The following TPM2 variants were observed in gnomAD, a reference collection of about 807,000 sequenced individuals.
The protein encoded by TPM2 is tropomyosin 2.
In TPM2, 26 loss-of-function variants were observed where a neutral mutation model predicts 41.0. The ratio of observed to expected loss-of-function variants is 0.63; its 90% CI spans 0.46 to 0.88. The LOEUF (loss-of-function observed/expected upper bound fraction) is 0.88, where lower values mean the gene tolerates loss of function less well. Ranked by LOEUF, TPM2 falls within the 40% of genes least tolerant of loss-of-function variation. The pLI is 0.00. For synonymous variants in TPM2, 143 were observed against 139.3 expected, an observed-to-expected ratio of 1.03 and a Z score of -0.19; for missense variants, 187 against 355.2, an observed-to-expected ratio of 0.53 and a Z score of 3.81.
upstream of TPM2, chr9:35,690,022 G>A (rs952207853): frequency 2.6e-5 from 37 of 1,401,744 alleles, no homozygotes; most frequent in East Asian, 8.3e-4. Context: ...ACCTTGTAGG[G>A]GCAGAAGCAC....
Position 35,685,190 on chromosome 9 carries a change from A to G in TPM2, c.563+79T>C, listed in dbSNP as rs1210526646. The G allele has an allele frequency of 3.1e-6, 5 of 1,614,094 alleles. No individual in the cohort carries two copies. Among genetic ancestry groups the G allele is most frequent in the Middle Eastern group, 1.6e-4 (1 of 6,062 alleles). On this transcript the variant is annotated intron_variant, in intron 5 of 8. Coordinates refer to ENST00000645482, the MANE Select transcript of TPM2 (RefSeq NM_003289.4). This position sits in a 1 kb window ranked among gnomAD's most constrained non-coding sequence, Gnocchi z 5.0. ...GAACAGGGCCTGTCCCTACAGCCCC[A>G]AGCCTAGGATGCTACCTTCCCACTG...
downstream of TPM2, chr9:35,682,173 G>A: frequency 1.2e-6 from 2 of 1,613,952 alleles, no homozygotes; most frequent in East Asian, 2.2e-5. Context: ...TCTGTGAGGG[G>A]AAGCAGCAGG....
chr9:35,684,509 C>G lies in TPM2; in HGVS notation c.681G>C (p.Leu227=), dbSNP rs997305444. The change falls in exon 7 of 9, where the codon CTG becomes CTC. Residue 227 remains leucine, a synonymous_variant. Coordinates refer to ENST00000645482, the MANE Select transcript of TPM2 (RefSeq NM_003289.4). ...TCACCTCCTTCAGCTTCTCCTCCAACAGTTTGATCTCCTCTTCATATTTAT... is the reference window on the plus strand; with the variant it reads ...TCACCTCCTTCAGCTTCTCCTCCAAGAGTTTGATCTCCTCTTCATATTTAT... ...KEDKYEEEIK[L]LEEKLKEAET... 2.5e-6 allele frequency: 4 copies of G among 1,614,078 alleles called. No individual in the cohort carries two copies. The Admixed American group carries it at 5.0e-5, about 20-fold the overall frequency.
chr9:35,684,833 G>GC, intron 5 of TPM2, 26 bp from the exon 6 acceptor site: 2 of 1,613,462 alleles, frequency 1.2e-6, no homozygotes, highest in South Asian at 1.1e-5. Flanking sequence ...GGCGGGGGGG[G>GC]CAGGGTGTGA....
In TPM2 at chr9:35,685,012, G is replaced by T; in HGVS notation, c.564-205C>A. On this transcript the variant is annotated intron_variant, in intron 5 of 8. Coordinates refer to ENST00000645482, the MANE Select transcript of TPM2 (RefSeq NM_003289.4). The surrounding 1 kb of genome is among the most constrained non-coding windows in gnomAD (Gnocchi z 5.0). Reference sequence around the variant, plus strand: ...GCCTGCGGTGCTGAGACGGAGGGAAGGTGAGCTGAGAGAAGGCGCCATTGC... The same window carrying T: ...GCCTGCGGTGCTGAGACGGAGGGAATGTGAGCTGAGAGAAGGCGCCATTGC... The T allele has an allele frequency of 6.2e-7, 1 of 1,614,144 alleles. No homozygotes were observed. Among genetic ancestry groups the T allele is most frequent in the Non-Finnish European group, 8.5e-7 (1 of 1,180,026 alleles).
chr9:35,684,825 C>CGGG lies in TPM2; in HGVS notation c.564-21_564-19dup, dbSNP rs3215700. The CGGG allele has an allele frequency of 2.5e-6, 4 of 1,597,278 alleles. No homozygotes were observed. The highest frequency in any genetic ancestry group is 4.5e-5 in the East Asian group (2 of 44,466). On this transcript the variant is annotated intron_variant, in intron 5 of 8. Coordinates refer to ENST00000645482, the MANE Select transcript of TPM2 (RefSeq NM_003289.4). The stretch of plus-strand genomic sequence containing the variant: ...CACATTTACTGCAGGGGGTGTGTGG[C>CGGG]GGGGGGGGCAGGGTGTGAGGGCACA...
downstream of TPM2, chr9:35,682,430 TAGA>T: frequency 7.8e-7 from 1 of 1,286,438 alleles, no homozygotes; most frequent in Non-Finnish European, 1.0e-6. Flanking sequence ...TCCTCTTCTT[TAGA>T]AGGTTTAAGG....
chr9:35,689,024 C>A lies in TPM2; in HGVS notation c.240+122G>T, dbSNP rs577221201. 149 of 1,208,640 alleles carry A rather than the reference C, an allele frequency of 1.2e-4. No individual in the cohort carries two copies. In the African/African-American group the frequency reaches 2.0e-3, roughly 16 times the overall value. The allele number at this position is 1,208,640 out of a possible 1,614,324, so 74.9% of individuals were successfully genotyped here. A position where few individuals can be genotyped will look rare whatever the true frequency, so the allele number is the denominator to read the frequency against. The stretch of plus-strand genomic sequence containing the variant: ...CTAGCCCTGGTTACTGAGATGAAAC[C>A]ATTTCTCTCCTGGCGCTGGGGACAT... On this transcript the variant is annotated intron_variant, in intron 2 of 8. Coordinates refer to ENST00000645482, the MANE Select transcript of TPM2 (RefSeq NM_003289.4).
chr9:35,686,883 A>G (rs1181577226), intron 2 of TPM2, among the ~76,000 whole-genome samples: 1 of 152,106 alleles, frequency 6.6e-6, no homozygotes, highest in Non-Finnish European at 1.5e-5. Context: ...ATCCATAAAA[A>G]CTGGTCAAAC....
intron 2 of TPM2, among the ~76,000 whole-genome samples, chr9:35,686,182 G>A (rs1289182955): frequency 3.9e-5 from 6 of 152,066 alleles, no homozygotes; most frequent in Admixed American, 1.3e-4. Flanking sequence ...CCCAGGAGGC[G>A]GAGGTTGCAG....
At chr9:35,689,065 C>T (rs1430745641) in intron 2 of TPM2, 81 bp downstream of exon 2, 1 of 1,543,768 alleles carries the variant, frequency 6.5e-7, no homozygotes, top group Non-Finnish European at 9.0e-7. Context: ...GATAAGGTGC[C>T]CCAATCCTCT....
chr9:35,683,121 G>A lies in TPM2; in HGVS notation c.*38C>T, dbSNP rs747380024. The A allele has an allele frequency of 1.5e-4, 227 of 1,551,844 alleles. No homozygotes were observed. Among genetic ancestry groups the A allele is most frequent in the Non-Finnish European group, 1.4e-4 (156 of 1,147,076 alleles). On this transcript the variant is annotated 3_prime_UTR_variant, in exon 9 of 9. Transcript: ENST00000645482. ...CCCATAGAGAGAATGGAAAGGAGAG[G>A]AGAGAAGAGAGCTGAGGTGGCCACG...
At chr9:35,689,990 A>T, upstream of TPM2, 3 of 1,465,960 alleles carry the variant, frequency 2.0e-6, no homozygotes, top group Non-Finnish European at 2.7e-6. Context: ...GGCAACCAGG[A>T]CCCTCCCCCA....
Position 35,689,839 on chromosome 9 carries a change from G to T in TPM2, c.-22C>A. 6.2e-7 allele frequency: 1 copy of T among 1,613,176 alleles called. No homozygotes were observed. Among genetic ancestry groups the T allele is most frequent in the Non-Finnish European group, 8.5e-7 (1 of 1,179,472 alleles). On this transcript the variant is annotated 5_prime_UTR_variant, in exon 1 of 9. Transcript: ENST00000645482. ...CCATGGCTGCGGTGGGGGGTGGGCC[G>T]GCCGGCAGGCGGTGAGGACCGGACG... is the stretch of plus-strand genomic sequence containing the variant.
At chr9:35,688,754 C>T (rs548463813) in intron 2 of TPM2, among the ~76,000 whole-genome samples, 2 of 152,316 alleles carry the variant, frequency 1.3e-5, no homozygotes, top group Non-Finnish European at 2.9e-5. Flanking sequence ...CTCCTGCAGG[C>T]TAGTACCTCA....
Position 35,684,567 on chromosome 9 carries a change from C to G in TPM2, c.640-17G>C, listed in dbSNP as rs774074711. On this transcript the variant is annotated splice_polypyrimidine_tract_variant and intron_variant, in intron 6 of 8. Coordinates refer to ENST00000645482, the MANE Select transcript of TPM2 (RefSeq NM_003289.4). ...GGTGGAATACTTTTGGGGACACACACACGCCATCAGTACAGCGCTACCACA... is the reference window on the plus strand; with the variant it reads ...GGTGGAATACTTTTGGGGACACACAGACGCCATCAGTACAGCGCTACCACA... 4.3e-6 allele frequency: 7 copies of G among 1,614,054 alleles called. No homozygotes were observed. Among genetic ancestry groups the G allele is most frequent in the Non-Finnish European group, 5.9e-6 (7 of 1,180,018 alleles).
rs1465836003 is a variant in TPM2 at position 35,684,527 on chromosome 9, A to G, written c.663T>C (p.Tyr221=). The G allele has an allele frequency of 2.5e-6, 4 of 1,614,082 alleles. No homozygotes were observed. Among genetic ancestry groups the G allele is most frequent in the Non-Finnish European group, 2.5e-6 (3 of 1,180,020 alleles). ...CCTCCAACAGTTTGATCTCCTCTTC[A>G]TATTTATCTTCTTTGGTGGAATACT... ...ADKYSTKEDK[Y]EEEIKLLEEK... Residue 221 remains tyrosine (Y), a synonymous_variant, in exon 7 of 9, where the codon TAT becomes TAC. Transcript: ENST00000645482.
chr9:35,682,068 G>T (rs752713738), downstream of TPM2: 1 of 1,614,090 alleles, frequency 6.2e-7, no homozygotes, highest in South Asian at 1.1e-5. Flanking sequence ...CTGGCTGGGG[G>T]TGGGGCTGGC....
Position 35,685,879 on chromosome 9 carries a change from A to G in TPM2, c.241-99T>C. 6.3e-7 allele frequency: 1 copy of G among 1,583,356 alleles called. No homozygotes were observed. The highest frequency in any genetic ancestry group is 8.7e-7 in the Non-Finnish European group (1 of 1,155,724). On this transcript the variant is annotated intron_variant, in intron 2 of 8. Transcript: ENST00000645482. The surrounding 1 kb of genome is among the most constrained non-coding windows in gnomAD (Gnocchi z 5.0). The stretch of plus-strand genomic sequence containing the variant: ...GCGAGATTCTTCTCAGAAAGAACTG[A>G]GGCTTCCTGGTTTCTAGACATTCTA...
Sources: allele counts gnomAD v4.1 joint callset (sites outside exome capture counted in the v4.1 genomes callset), GRCh38; gene constraint gnomAD v4.1.1; non-coding constraint Gnocchi (gnomAD v3.1); transcripts MANE v1.5; gene names NCBI Gene and HGNC (gene_info 2026-07-23, HGNC 2026-07-21).